SLC38A8: variants seen among roughly 807,000 people sequenced by gnomAD.
SLC38A8 encodes solute carrier family 38 member 8.
SLC38A8 carries 65 observed loss-of-function variants against 46.0 expected under a neutral mutation model. That is an observed-to-expected ratio of 1.41 (90% CI 1.16 to 1.74). The LOEUF (loss-of-function observed/expected upper bound fraction) is 1.74. SLC38A8 is among the 40% of genes most tolerant of loss of function. The probability of loss-of-function intolerance (pLI) is 0.00; values close to 1 mark genes in which losing one functional copy is unlikely to be tolerated. For synonymous variants in SLC38A8, 447 were observed against 243.7 expected (o/e 1.83, Z -7.77); for missense variants, 998 against 567.9 (o/e 1.76, Z -7.70).
chr16:84,009,916 T>C (rs373444047), intron 10 of SLC38A8, 39 bp from the exon 11 acceptor site: 1 of 1,586,784 alleles, frequency 6.3e-7, no homozygotes, highest in South Asian at 1.1e-5. Flanking sequence ...CTTTTCTGGA[T>C]TTTTGCACAA....
chr16:84,021,821 C>A (rs533960366), intron 7 of SLC38A8, among the ~76,000 whole-genome samples: 38 of 152,304 alleles, frequency 2.5e-4, no homozygotes, highest in African/African-American at 8.7e-4. Context: ...ATTGAGAAGT[C>A]CAGGATCAAG....
At chr16:84,031,454 C>G (rs952677429) in intron 5 of SLC38A8, among the ~76,000 whole-genome samples, 1 of 152,200 alleles carries the variant, frequency 6.6e-6, no homozygotes, top group Non-Finnish European at 1.5e-5. Flanking sequence ...GGCTCTGAAT[C>G]CCTGTACGAC....
intron 6 of SLC38A8, among the ~76,000 whole-genome samples, chr16:84,026,309 A>T (rs1439518946): frequency 6.6e-6 from 1 of 152,124 alleles, no homozygotes; most frequent in Non-Finnish European, 1.5e-5. Flanking sequence ...GGCTCACTGC[A>T]ACCTCCACAT....
At chr16:84,034,917 G>C (rs1407108503) in intron 3 of SLC38A8, among the ~76,000 whole-genome samples, 1 of 152,162 alleles carries the variant, frequency 6.6e-6, no homozygotes, top group Non-Finnish European at 1.5e-5. Context: ...CCGGATGCTT[G>C]AGATCTTTGG....
rs558602836 is a variant in SLC38A8, at chr16:84,021,893, G to A, written c.805+882C>T. Among the ~76,000 whole-genome samples, 54 of 152,330 alleles carry A rather than the reference G, an allele frequency of 3.5e-4. No individual in the cohort carries two copies. In the East Asian group the frequency reaches 4.0e-3, roughly 11 times the overall value. On this transcript the variant is annotated intron_variant, in intron 7 of 10. Transcript: ENST00000299709. ...ACTTTGCAGAGCCCTGAAGTGGCGC[G>A]CAGAGTGTCACATGGCAAGGGGGCT...
intron 5 of SLC38A8, 144 bp downstream of exon 5, chr16:84,031,723 C>T (rs1057141787): frequency 2.6e-5 from 18 of 698,352 alleles, no homozygotes; most frequent in South Asian, 5.4e-5. Context: ...TTGCCTTCAC[C>T]GCATCAGAGA....
Position 84,022,876 on chromosome 16 carries a change from G to T in SLC38A8, c.704C>A (p.Ala235Asp), listed in dbSNP as rs769040211. 2 of 1,604,394 alleles carry T rather than the reference G, an allele frequency of 1.2e-6. No homozygotes were observed. Among genetic ancestry groups the T allele is most frequent in the Admixed American group, 3.4e-5 (2 of 57,972 alleles). Residue 235 changes from alanine to aspartate, a missense_variant, in exon 7 of 11, where the codon GCC becomes GAC. Physicochemically the swap from Ala to Asp is moderately radical, Grantham distance 126. Coordinates refer to ENST00000299709, the MANE Select transcript of SLC38A8 (RefSeq NM_001080442.3). ...GCGCATGCTGCAGTAGATGGAGACGGCAGCTTCGTGACACTGTAAGACAGA... is the reference window on the plus strand; with the variant it reads ...GCGCATGCTGCAGTAGATGGAGACGTCAGCTTCGTGACACTGTAAGACAGA... ...ICFGFQCHEAAVSIYCSMRKR... is the reference protein window; with the variant it reads ...ICFGFQCHEADVSIYCSMRKR...
chr16:84,037,079 C>A (rs1216297826), intron 2 of SLC38A8, among the ~76,000 whole-genome samples, 179 bp from the exon 3 acceptor site: 1 of 152,210 alleles, frequency 6.6e-6, no homozygotes, highest in Non-Finnish European at 1.5e-5. Flanking sequence ...CCCCACCCCA[C>A]CTATCCTGAA....
At chr16:84,036,672 G>A (rs777435302) in intron 3 of SLC38A8, 30 bp downstream of exon 3, 4 of 1,612,768 alleles carry the variant, frequency 2.5e-6, no homozygotes, top group Admixed American at 3.3e-5. Context: ...CGGCACCCTG[G>A]GCCACCCCGA....
intron 2 of SLC38A8, among the ~76,000 whole-genome samples, chr16:84,037,942 G>C (rs2085320465): frequency 6.6e-6 from 1 of 151,068 alleles, no homozygotes. Context: ...CCGAGTATCT[G>C]GGACTACAGG....
At chr16:84,034,711 G>A (rs2085282202) in intron 3 of SLC38A8, among the ~76,000 whole-genome samples, 1 of 152,198 alleles carries the variant, frequency 6.6e-6, no homozygotes, top group Non-Finnish European at 1.5e-5. Context: ...GGTGGTCACA[G>A]CAGCATCCAC....
intron 4 of SLC38A8, among the ~76,000 whole-genome samples, chr16:84,032,864 G>A (rs2085258813): frequency 6.6e-6 from 1 of 152,042 alleles, no homozygotes; most frequent in Admixed American, 6.5e-5. Flanking sequence ...GTGCGTGCAT[G>A]GGCACGGGGA....
In SLC38A8 at chr16:84,036,689, T is replaced by C. The variant is rs1464019104; in HGVS notation, c.388+13A>G. On this transcript the variant is annotated intron_variant, in intron 3 of 10. Transcript: ENST00000299709. ...GCACCCTGGGCCACCCCGAGTCCCATGAAGGTACTTACGCTTCTCCAGCTG... is the reference window on the plus strand; with the variant it reads ...GCACCCTGGGCCACCCCGAGTCCCACGAAGGTACTTACGCTTCTCCAGCTG... The C allele has an allele frequency of 1.9e-6, 3 of 1,613,910 alleles. No homozygotes were observed. Among genetic ancestry groups the C allele is most frequent in the African/African-American group, 1.3e-5 (1 of 75,038 alleles).
chr16:84,017,847 G>C (rs1397394489), intron 7 of SLC38A8, among the ~76,000 whole-genome samples: 1 of 152,154 alleles, frequency 6.6e-6, no homozygotes, highest in Non-Finnish European at 1.5e-5. Context: ...GTTCCTTTCA[G>C]CTTCTCTGCA....
At chr16:84,040,418 G>A (rs1172751102) in intron 2 of SLC38A8, among the ~76,000 whole-genome samples, 3 of 152,306 alleles carry the variant, frequency 2.0e-5, no homozygotes, top group East Asian at 1.9e-4. Flanking sequence ...TCACAAATGT[G>A]GTCTCAGGCC....
Position 84,022,839 on chromosome 16 carries a change from G to A in SLC38A8, c.741C>T (p.Leu247=). ...SIYCSMRKRS[L]SHWALVSVLS... The stretch of plus-strand genomic sequence containing the variant: ...GCACAGACACCAGGGCCCAGTGGGA[G>A]AGGCTCCGTTTGCGCATGCTGCAGT... The change falls in exon 7 of 11, where the codon CTC becomes CTT. Residue 247 remains leucine (L), a synonymous_variant. Coordinates refer to ENST00000299709, the MANE Select transcript of SLC38A8 (RefSeq NM_001080442.3). 2 of 1,612,682 alleles carry A rather than the reference G, an allele frequency of 1.2e-6. No individual in the cohort carries two copies. Among genetic ancestry groups the A allele is most frequent in the Non-Finnish European group, 1.7e-6 (2 of 1,179,484 alleles).
Position 84,015,634 on chromosome 16 carries a change from G to C in SLC38A8, c.1162+885C>G, listed in dbSNP as rs148572814. 2.8e-3 allele frequency among the ~76,000 whole-genome samples: 426 copies of C among 152,170 alleles called. 2 individuals carry two copies. The highest frequency in any genetic ancestry group is 5.2e-3 in the Admixed American group (79 of 15,286). On this transcript the variant is annotated intron_variant, in intron 9 of 10. Coordinates refer to ENST00000299709, the MANE Select transcript of SLC38A8 (RefSeq NM_001080442.3). ...GGAATGGGATCATAAACGTTCCTAC[G>C]TCAAGAATGTCCATCAGGAGCTGTA...
intron 9 of SLC38A8, among the ~76,000 whole-genome samples, chr16:84,013,728 CCTTTT>C (rs201130389): frequency 0.011 from 1,594 of 140,994 alleles, 21 homozygotes; most frequent in African/African-American, 0.042. Flanking sequence ...TGCACCCAGC[CCTTTT>C]TTTTTTTTTT....
At chr16:84,017,435 T>G in intron 7 of SLC38A8, 148 bp from the exon 8 acceptor site, 2 of 919,936 alleles carry the variant, frequency 2.2e-6, no homozygotes, top group Non-Finnish European at 3.2e-6. Flanking sequence ...CCCAAAGCTT[T>G]CCTGTCCTAA....
Sources: allele counts gnomAD v4.1 joint callset (sites outside exome capture counted in the v4.1 genomes callset), GRCh38; gene constraint gnomAD v4.1.1; transcripts MANE v1.5; gene names NCBI Gene and HGNC (gene_info 2026-07-23, HGNC 2026-07-21).